The following ATXN1 variants were observed in gnomAD, a reference collection of about 807,000 sequenced individuals.
ATXN1 encodes the protein ataxin 1, also known as ataxin-1.
ATXN1 carries 8 observed loss-of-function variants against 56.4 expected under a neutral mutation model. The observed-to-expected ratio is 0.14, with a 90% CI of 0.08 to 0.26. The LOEUF is 0.26. Among genes scored for constraint, ATXN1 ranks in the 10% least tolerant of loss-of-function variants. The pLI is 1.00. For missense variants in ATXN1, 987 were observed against 1,106.5 expected (o/e 0.89, Z 1.53); for synonymous variants, 514 against 494.6 (o/e 1.04, Z -0.52).
intron 6 of ATXN1, among the ~76,000 whole-genome samples, chr6:16,336,141 T>C (rs914059835): frequency 8.5e-5 from 13 of 152,228 alleles, no homozygotes; most frequent in African/African-American, 2.7e-4. Context: ...GTTTGTATTA[T>C]TATCTCCATT....
chr6:16,409,852 A>G (rs1561885311), intron 6 of ATXN1, among the ~76,000 whole-genome samples: 1 of 152,158 alleles, frequency 6.6e-6, no homozygotes, highest in Non-Finnish European at 1.5e-5. Flanking sequence ...AAGTTCCACA[A>G]AACTGTGCTC....
intron 5 of ATXN1, among the ~76,000 whole-genome samples, chr6:16,501,146 C>T (rs1028090658): frequency 6.6e-6 from 1 of 152,206 alleles, no homozygotes; most frequent in Non-Finnish European, 1.5e-5. Context: ...TGCATACACA[C>T]AATCACACAC....
intron 6 of ATXN1, among the ~76,000 whole-genome samples, chr6:16,439,530 A>T (rs1759470402): frequency 6.6e-6 from 1 of 151,784 alleles, no homozygotes; most frequent in Non-Finnish European, 1.5e-5. Flanking sequence ...TCTTTTGATG[A>T]ATTAGTAGTG....
At chr6:16,360,997 G>A (rs908148050) in intron 6 of ATXN1, among the ~76,000 whole-genome samples, 4 of 152,134 alleles carry the variant, frequency 2.6e-5, no homozygotes, top group Admixed American at 6.5e-5. Context: ...GACTCCCAAG[G>A]ACAAGATGTA....
At chr6:16,378,892 A>G (rs1335590661) in intron 6 of ATXN1, among the ~76,000 whole-genome samples, 1 of 152,172 alleles carries the variant, frequency 6.6e-6, no homozygotes, top group Non-Finnish European at 1.5e-5. Flanking sequence ...TATGATGCCG[A>G]TTCAGCAAGC....
At chr6:16,571,295 T>C (rs1389451181) in intron 4 of ATXN1, among the ~76,000 whole-genome samples, 1 of 152,062 alleles carries the variant, frequency 6.6e-6, no homozygotes, top group Non-Finnish European at 1.5e-5. Flanking sequence ...AATTTTGAAA[T>C]ATGTTCCCTA....
At chr6:16,315,783 C>T (rs116977158) in intron 7 of ATXN1, among the ~76,000 whole-genome samples, 9 of 152,220 alleles carry the variant, frequency 5.9e-5, no homozygotes, top group South Asian at 2.1e-4. Flanking sequence ...CTGCCTCAGC[C>T]GCCTGAGTAG....
intron 3 of ATXN1, among the ~76,000 whole-genome samples, chr6:16,649,126 G>T (rs1763851990): frequency 6.6e-6 from 1 of 151,940 alleles, no homozygotes; most frequent in Non-Finnish European, 1.5e-5. Context: ...TCTTTTTAGT[G>T]GTGTTTTTGA....
intron 2 of ATXN1, among the ~76,000 whole-genome samples, chr6:16,705,502 C>T (rs192469188): frequency 6.6e-6 from 1 of 152,244 alleles, no homozygotes; most frequent in Admixed American, 6.5e-5. Flanking sequence ...CTCTTGGTTC[C>T]CCAATCACAG....
intron 2 of ATXN1, among the ~76,000 whole-genome samples, chr6:16,701,060 G>T (rs116681469): frequency 0.023 from 3,447 of 152,128 alleles, 54 homozygotes; most frequent in South Asian, 0.057. Context: ...GGGGATGTTG[G>T]CATCAGGGTG....
intron 2 of ATXN1, among the ~76,000 whole-genome samples, chr6:16,685,071 TC>T (rs1758890450): frequency 6.6e-6 from 1 of 151,828 alleles, no homozygotes; most frequent in Non-Finnish European, 1.5e-5. Flanking sequence ...ACACACACCC[TC>T]CCACTTCTGG....
chr6:16,360,471 T>C (rs1215306194), intron 6 of ATXN1, among the ~76,000 whole-genome samples: 1 of 152,222 alleles, frequency 6.6e-6, no homozygotes, highest in Non-Finnish European at 1.5e-5. Context: ...ATCTCATGCC[T>C]GGGATTACAC....
rs60209783 is a variant in ATXN1 at position 16,480,154 on chromosome 6, CAAAAAAA to C, written c.-161+5811_-161+5817del. Reference sequence around the variant, plus strand: ...GCAACACAGCAAGAGACTTCATCTGCAAAAAAAAAAAAAAAAAAAAAAATATCTAAAA... The same window carrying C: ...GCAACACAGCAAGAGACTTCATCTGCAAAAAAAAAAAAAAAATATCTAAAA... On this transcript the variant is annotated intron_variant, in intron 6 of 7. Transcript: ENST00000436367. 5.1e-5 allele frequency among the ~76,000 whole-genome samples: 4 copies of C among 79,124 alleles called. No homozygotes were observed. The South Asian group carries it at 1.5e-3, about 29-fold the overall frequency. The allele number at this position is 79,124 out of a possible 152,430, so 51.9% of individuals were successfully genotyped here.
At chr6:16,656,009 G>A (rs62387972) in intron 3 of ATXN1, among the ~76,000 whole-genome samples, 31,072 of 150,574 alleles carry the variant, frequency 0.21, 3,773 homozygotes, top group Non-Finnish European at 0.28. Context: ...AGAATCGCTT[G>A]AACCTGGGAG....
intron 6 of ATXN1, among the ~76,000 whole-genome samples, chr6:16,462,538 T>C (rs764325584): frequency 3.3e-5 from 5 of 152,200 alleles, no homozygotes; most frequent in Non-Finnish European, 5.9e-5. Flanking sequence ...TTAAGCAGTA[T>C]ACTAACCATT....
chr6:16,598,938 G>T (rs141186519), intron 3 of ATXN1, among the ~76,000 whole-genome samples: 1 of 152,314 alleles, frequency 6.6e-6, no homozygotes, highest in African/African-American at 2.4e-5. Context: ...GGGTTCATGT[G>T]CATCTGGACA....
intron 2 of ATXN1, among the ~76,000 whole-genome samples, chr6:16,699,307 CCATT>C (rs1395307972): frequency 6.6e-6 from 1 of 152,176 alleles, no homozygotes; most frequent in Admixed American, 6.5e-5. Context: ...TTTGACCTCA[CCATT>C]CAATGTTTTA....
chr6:16,395,420 G>C (rs943204118), intron 6 of ATXN1, among the ~76,000 whole-genome samples: 2 of 151,964 alleles, frequency 1.3e-5, no homozygotes, highest in African/African-American at 2.4e-5. Context: ...ACAACATTTG[G>C]GTCAGCCGCG....
intron 6 of ATXN1, among the ~76,000 whole-genome samples, chr6:16,391,881 T>C (rs960978572): frequency 1.1e-4 from 17 of 152,228 alleles, no homozygotes; most frequent in African/African-American, 3.9e-4. Context: ...GAGAAGGCAG[T>C]GCCCTTGACT....
Sources: allele counts gnomAD v4.1 joint callset (sites outside exome capture counted in the v4.1 genomes callset), GRCh38; gene constraint gnomAD v4.1.1; transcripts MANE v1.5; gene names NCBI Gene and HGNC (gene_info 2026-07-23, HGNC 2026-07-21).